CAPN14: variants seen among roughly 807,000 people sequenced by gnomAD.
CAPN14 encodes the protein calpain 14, also known as calpain-14.
Under a neutral mutation model 101.3 loss-of-function variants are expected in CAPN14, and 94 were observed. The observed-to-expected ratio is 0.93, with a 90% confidence interval of 0.79 to 1.10. The LOEUF (loss-of-function observed/expected upper bound fraction) is 1.10, where lower values mean the gene tolerates loss of function less well. CAPN14 is among the 50% of genes least tolerant of loss of function. The pLI is 0.00. For missense variants in CAPN14, 837 were observed against 828.4 expected (o/e 1.01, Z -0.13); for synonymous variants, 338 against 317.9 (o/e 1.06, Z -0.67).
At chr2:31,213,530 T>C (rs6726620) in intron 1 of CAPN14, among the ~76,000 whole-genome samples, 89,876 of 152,158 alleles carry the variant, frequency 0.59, 27,672 homozygotes, top group East Asian at 0.94. Context: ...AAGCACTGTT[T>C]AACCAGGTAG....
At chr2:31,181,062 A>C in intron 16 of CAPN14, 62 bp from the exon 17 acceptor site, 1 of 1,382,766 alleles carries the variant, frequency 7.2e-7, no homozygotes, top group Non-Finnish European at 1.0e-6. Context: ...CCCTTTTCTG[A>C]GCAGGAAGAG....
chr2:31,213,013 T>C (rs1682474047), intron 1 of CAPN14, among the ~76,000 whole-genome samples: 1 of 152,174 alleles, frequency 6.6e-6, no homozygotes, highest in Non-Finnish European at 1.5e-5. Flanking sequence ...AAATGATCAA[T>C]TCCCTGCTCT....
intron 15 of CAPN14, among the ~76,000 whole-genome samples, chr2:31,187,523 T>C (rs1680957725): frequency 6.6e-6 from 1 of 152,006 alleles, no homozygotes; most frequent in Non-Finnish European, 1.5e-5. Flanking sequence ...CTACAACTAA[T>C]CAATGAGCGT....
chr2:31,215,104 C>T (rs1006530318), intron 1 of CAPN14, among the ~76,000 whole-genome samples: 4 of 152,164 alleles, frequency 2.6e-5, no homozygotes, highest in Admixed American at 1.3e-4. Context: ...CAAGAGGTAG[C>T]GGCACCCTAG....
intron 1 of CAPN14, among the ~76,000 whole-genome samples, chr2:31,228,633 T>G (rs947635778): frequency 7.9e-5 from 12 of 152,232 alleles, no homozygotes; most frequent in Non-Finnish European, 1.8e-4. Flanking sequence ...AATAGTTTAT[T>G]AAACAGCTTC....
chr2:31,178,894 T>G (rs1198446416), intron 17 of CAPN14, among the ~76,000 whole-genome samples: 2 of 152,008 alleles, frequency 1.3e-5, no homozygotes, highest in Non-Finnish European at 2.9e-5. Context: ...AAATGTTATC[T>G]TTGATTATTG....
In CAPN14 at chr2:31,192,997, C is replaced by A. The variant is rs1681271845; in HGVS notation, c.1114+134G>T. On this transcript the variant is annotated intron_variant, in intron 10 of 21. Coordinates refer to ENST00000403897, the MANE Select transcript of CAPN14 (RefSeq NM_001145122.2). ...CTGTGGTTATAGCCCAGGGCCCCAA[C>A]ACACAGTGAGGCAAGCAGAGCCTCC... 14 of 891,412 alleles carry A rather than the reference C, an allele frequency of 1.6e-5. No individual in the cohort carries two copies. The South Asian group carries it at 2.3e-4, about 15-fold the overall frequency. 55.2% of individuals were successfully genotyped at this position (891,412 alleles called of 1,614,324 possible).
chr2:31,174,903 G>C (rs958149074), intron 21 of CAPN14, among the ~76,000 whole-genome samples, 196 bp from the exon 22 acceptor site: 1 of 152,182 alleles, frequency 6.6e-6, no homozygotes, highest in East Asian at 1.9e-4. Context: ...GCCTATGAAT[G>C]ATGACAGTCA....
intron 12 of CAPN14, among the ~76,000 whole-genome samples, chr2:31,190,722 C>T (rs751859731): frequency 2.6e-5 from 4 of 152,148 alleles, no homozygotes; most frequent in Non-Finnish European, 5.9e-5. Flanking sequence ...AGAGAAACAA[C>T]AAACAAAGAC....
chr2:31,177,108 C>A lies in CAPN14; in HGVS notation c.1890G>T (p.Met630Ile), dbSNP rs1680339828. ...GGCGGGGGCCGCCGTAGCGGATGAG[C>A]ATCAGCTGACAGACGTCATCACTGA... ...IMLSDDVCQL[M>I]LIRYGGPRLQ... The change falls in exon 20 of 22, where the codon ATG becomes ATT. Residue 630 changes from methionine to isoleucine, a missense_variant. Coordinates refer to ENST00000403897, the MANE Select transcript of CAPN14 (RefSeq NM_001145122.2). 6.4e-7 allele frequency: 1 copy of A among 1,551,184 alleles called. No individual in the cohort carries two copies.
chr2:31,188,167 T>C, intron 14 of CAPN14, 151 bp downstream of exon 14: 1 of 721,902 alleles, frequency 1.4e-6, no homozygotes, highest in African/African-American at 1.8e-5. Context: ...GCCCAGGTAC[T>C]GTTAGGATAC....
chr2:31,207,327 T>C (rs372101634), intron 1 of CAPN14, among the ~76,000 whole-genome samples: 20 of 152,314 alleles, frequency 1.3e-4, no homozygotes, highest in African/African-American at 3.6e-4. Flanking sequence ...GTCTGCCCCA[T>C]TGGGCACCTA....
rs1360820702 is a variant in CAPN14 at position 31,192,033 on chromosome 2, G to A, written c.1180C>T (p.Leu394=). Residue 394 remains leucine (L), a synonymous_variant, in exon 11 of 22, where the codon CTG becomes TTG. Transcript: ENST00000403897. ...GACACCAGCACGCTGCAGGGCCTCA[G>A]GGATCTCCTGCCCTCCTCGGGCCTC... ...VWRPEEGRRS[L]RPCSVLVSLL... is the part of the protein sequence containing the mutation. The A allele has an allele frequency of 6.4e-7, 1 of 1,551,496 alleles. No individual in the cohort carries two copies. Among genetic ancestry groups the A allele is most frequent in the African/African-American group, 1.4e-5 (1 of 73,052 alleles).
chr2:31,217,815 G>A (rs1010752235), upstream of CAPN14, among the ~76,000 whole-genome samples: 1 of 152,108 alleles, frequency 6.6e-6, no homozygotes, highest in Non-Finnish European at 1.5e-5. Context: ...TTCACTGCAG[G>A]AGCACATGAT....
intron 1 of CAPN14, chr2:31,226,710 CA>C (rs879655072): frequency 1.3e-5 from 2 of 152,212 alleles, no homozygotes; most frequent in African/African-American, 2.4e-5. Flanking sequence ...TCTGTTTTTG[CA>C]CTGATCAAGC....
intron 21 of CAPN14, among the ~76,000 whole-genome samples, chr2:31,175,411 G>A (rs1413091399): frequency 1.3e-5 from 2 of 152,226 alleles, no homozygotes; most frequent in Non-Finnish European, 2.9e-5. Context: ...AAGTGTTGTG[G>A]CTTCAACCCA....
At chr2:31,210,008 A>G (rs1361673937) in intron 1 of CAPN14, among the ~76,000 whole-genome samples, 1 of 152,212 alleles carries the variant, frequency 6.6e-6, no homozygotes, top group East Asian at 1.9e-4. Context: ...CCAGGAATAC[A>G]GAGTCCATAG....
intron 8 of CAPN14, among the ~76,000 whole-genome samples, chr2:31,195,533 T>C (rs2365214): frequency 0.63 from 95,798 of 151,940 alleles, 31,286 homozygotes; most frequent in East Asian, 0.95. Flanking sequence ...GACGTGGTTT[T>C]ACCATGTTGG....
At chr2:31,223,725 T>A (rs1332738340) in intron 2 of CAPN14, among the ~76,000 whole-genome samples, 1 of 152,020 alleles carries the variant, frequency 6.6e-6, no homozygotes, top group African/African-American at 2.4e-5. Context: ...AGATGAGGTT[T>A]CACTATGTTG....
Sources: gnomAD v4.1 joint callset for allele counts (sites outside exome capture counted in the v4.1 genomes callset) on GRCh38, gnomAD v4.1.1 for gene constraint, MANE v1.5 for transcripts, NCBI Gene and HGNC (gene_info 2026-07-23, HGNC 2026-07-21) for gene names.